The following CLNK variants were observed in gnomAD, a reference collection of about 807,000 sequenced individuals.
CLNK encodes the protein cytokine-dependent hematopoietic cell linker.
In CLNK, 74 loss-of-function variants were observed where a neutral mutation model predicts 68.6. The ratio of observed to expected loss-of-function variants is 1.08; its 90% CI spans 0.89 to 1.31. CLNK has a LOEUF of 1.31. Ranked by LOEUF, CLNK falls within the 50% of genes most tolerant of loss-of-function variation. The probability of loss-of-function intolerance (pLI) is 0.00; values close to 1 mark genes in which losing one functional copy is unlikely to be tolerated. For synonymous variants in CLNK, 198 were observed against 172.2 expected, an observed-to-expected ratio of 1.15 and a Z score of -1.17; for missense variants, 553 against 515.3, an observed-to-expected ratio of 1.07 and a Z score of -0.71.
chr4:10,540,923 T>TA (rs1192068233), intron 10 of CLNK, among the ~76,000 whole-genome samples: 1 of 151,726 alleles, frequency 6.6e-6, no homozygotes, highest in Non-Finnish European at 1.5e-5. Flanking sequence ...CAAATAAATA[T>TA]AAAAAAAGTG....
chr4:10,499,487 T>A (rs1265660645), intron 18 of CLNK, among the ~76,000 whole-genome samples: 1 of 152,206 alleles, frequency 6.6e-6, no homozygotes, highest in Non-Finnish European at 1.5e-5. Context: ...AGTGCTCTGG[T>A]CAGACACGGG....
rs1043355643 is a variant in CLNK at position 10,489,759 on chromosome 4, C to T, written c.*708G>A. 7 of 104,086 alleles carry T rather than the reference C, an allele frequency of 6.7e-5. No homozygotes were observed. The highest frequency in any genetic ancestry group is 4.9e-4 in the East Asian group (2 of 4,054). The allele number at this position is 104,086 out of a possible 1,614,324, so 6.4% of individuals were successfully genotyped here. A position where few individuals can be genotyped will look rare whatever the true frequency, so the allele number is the denominator to read the frequency against. On this transcript the variant is annotated 3_prime_UTR_variant, in exon 19 of 19. Coordinates refer to ENST00000226951, the MANE Select transcript of CLNK (RefSeq NM_052964.4). Reference sequence around the variant, plus strand: ...TCGGCTCACTGCAAGCTCCGCCTCCCGGGTTCACACCATTCTCCTGCCTCA... The same window carrying T: ...TCGGCTCACTGCAAGCTCCGCCTCCTGGGTTCACACCATTCTCCTGCCTCA...
intron 6 of CLNK, 147 bp downstream of exon 6, chr4:10,565,862 G>C: frequency 1.3e-6 from 1 of 783,962 alleles, no homozygotes; most frequent in South Asian, 2.1e-5. Context: ...GGATTGGAGA[G>C]ACTTTCTCAA....
At chr4:10,615,433 C>T (rs1722191029) in intron 2 of CLNK, among the ~76,000 whole-genome samples, 1 of 152,030 alleles carries the variant, frequency 6.6e-6, no homozygotes, top group Non-Finnish European at 1.5e-5. Flanking sequence ...AAGAGAATAG[C>T]TTGAATCTGG....
intron 2 of CLNK, among the ~76,000 whole-genome samples, chr4:10,611,499 A>AC (rs778852927): frequency 2.6e-5 from 4 of 151,310 alleles, no homozygotes; most frequent in Non-Finnish European, 4.4e-5. Flanking sequence ...TAAGTCTGAA[A>AC]AAAAAAAAAA....
chr4:10,699,515 T>A, the CLNK span, among the ~76,000 whole-genome samples: 1,059 of 126,932 alleles, frequency 8.3e-3, 64 homozygotes, highest in East Asian at 0.062. Context: ...TATATATATT[T>A]TTTTTTTTTT....
intron 16 of CLNK, among the ~76,000 whole-genome samples, chr4:10,509,984 G>A (rs1185437075): frequency 2.6e-5 from 4 of 152,232 alleles, no homozygotes; most frequent in African/African-American, 7.2e-5. Flanking sequence ...ACTGAAGCAT[G>A]AGCTGTCTGA....
rs1719028008 is a variant in CLNK at position 10,541,587 on chromosome 4, CATATATATAT to C, written c.491+425_491+434del. ...ATAGTATTTATATTTATATATGTGT[CATATATATAT>C]GTATATATATATATCTCACATGAAT... On this transcript the variant is annotated intron_variant, in intron 10 of 18. Coordinates refer to ENST00000226951, the MANE Select transcript of CLNK (RefSeq NM_052964.4). 2.9e-5 allele frequency among the ~76,000 whole-genome samples: 4 copies of C among 137,978 alleles called. No homozygotes were observed. In the South Asian group the frequency reaches 9.0e-4, roughly 31 times the overall value. The allele number at this position is 137,978 out of a possible 152,430, so 90.5% of individuals were successfully genotyped here. A position where few individuals can be genotyped will look rare whatever the true frequency, so the allele number is the denominator to read the frequency against.
At chr4:10,672,733 C>T (rs1464642963) in intron 1 of CLNK, among the ~76,000 whole-genome samples, 2 of 152,138 alleles carry the variant, frequency 1.3e-5, no homozygotes, top group Non-Finnish European at 2.9e-5. Context: ...CAGGTATGGA[C>T]ATTGTCTAAA....
In CLNK at chr4:10,532,328, A is replaced by G. The variant is rs766371539; in HGVS notation, c.603-45T>C. 14 of 1,507,438 alleles carry G rather than the reference A, an allele frequency of 9.3e-6. No homozygotes were observed. In the East Asian group the frequency reaches 2.9e-4, roughly 32 times the overall value. 93.4% of individuals were successfully genotyped at this position (1,507,438 alleles called of 1,614,324 possible). A position where few individuals can be genotyped will look rare whatever the true frequency, so the allele number is the denominator to read the frequency against. On this transcript the variant is annotated intron_variant, in intron 11 of 18. Transcript: ENST00000226951. ...GGTGTTACATAAAACACAGTTCATA[A>G]TGACCAAGATAAAATCATTCTGAGC...
chr4:10,532,325 A>G, intron 11 of CLNK, 42 bp from the exon 12 acceptor site: 1 of 1,521,340 alleles, frequency 6.6e-7, no homozygotes, highest in African/African-American at 1.4e-5. Context: ...AACACAGTTC[A>G]TAATGACCAA....
chr4:10,545,680 G>C (rs1010827032), intron 8 of CLNK, among the ~76,000 whole-genome samples: 2 of 152,162 alleles, frequency 1.3e-5, no homozygotes, highest in African/African-American at 2.4e-5. Context: ...TATCTGCTTT[G>C]TATAGCTTTA....
chr4:10,516,424 C>G (rs528530435), intron 15 of CLNK, among the ~76,000 whole-genome samples: 2 of 152,192 alleles, frequency 1.3e-5, no homozygotes, highest in South Asian at 4.1e-4. Context: ...CAAATACATG[C>G]CATTTTCCAT....
chr4:10,503,230 G>A (rs2109026646), intron 17 of CLNK, among the ~76,000 whole-genome samples: 1 of 152,200 alleles, frequency 6.6e-6, no homozygotes, highest in Admixed American at 6.5e-5. Flanking sequence ...GGAGGCCGAC[G>A]CGGGTGGATC....
At position 10,489,367 on chromosome 4, in the gene CLNK, A is replaced by G. The variant is rs1000210624; in HGVS notation, c.*1100T>C. ...TTTCTCTGTCTTTGAATGGAAGTCC[A>G]TAATTGGAATTGTTAATACAATTTT... is the stretch of plus-strand genomic sequence containing the variant. On this transcript the variant is annotated 3_prime_UTR_variant, in exon 19 of 19. Coordinates refer to ENST00000226951, the MANE Select transcript of CLNK (RefSeq NM_052964.4). The G allele has an allele frequency of 5.9e-5, 9 of 152,240 alleles. No homozygotes were observed. The highest frequency in any genetic ancestry group is 1.2e-4 in the Non-Finnish European group (8 of 68,050). 9.4% of individuals were successfully genotyped at this position (152,240 alleles called of 1,614,324 possible).
intron 18 of CLNK, among the ~76,000 whole-genome samples, chr4:10,496,995 GT>G (rs1716835844): frequency 1.3e-5 from 2 of 152,144 alleles, no homozygotes; most frequent in African/African-American, 4.8e-5. Context: ...TGCTTTGTTT[GT>G]GTGTTTTGTC....
At chr4:10,507,840 AG>A in intron 17 of CLNK, 118 bp downstream of exon 17, 1 of 721,470 alleles carries the variant, frequency 1.4e-6, no homozygotes. Context: ...TGAGAAATGC[AG>A]GGTGATGCAG....
At chr4:10,703,016 G>A in the CLNK span, among the ~76,000 whole-genome samples, 3 of 152,098 alleles carry the variant, frequency 2.0e-5, no homozygotes, top group African/African-American at 7.2e-5. Flanking sequence ...TATGAGGTGC[G>A]TTTCTTTATG....
At chr4:10,608,033 T>G (rs989201871) in intron 2 of CLNK, among the ~76,000 whole-genome samples, 10 of 151,732 alleles carry the variant, frequency 6.6e-5, no homozygotes, top group Admixed American at 6.6e-4. Context: ...AGTAGAAGAG[T>G]CCCAAAAAAT....
Sources: allele counts gnomAD v4.1 joint callset (sites outside exome capture counted in the v4.1 genomes callset), GRCh38; gene constraint gnomAD v4.1.1; transcripts MANE v1.5; gene names NCBI Gene and HGNC (gene_info 2026-07-23, HGNC 2026-07-21).